Variants in GSK3B observed in about 807,000 individuals in gnomAD.
GSK3B encodes glycogen synthase kinase-3 beta.
A neutral mutation model predicts 56.4 loss-of-function variants in GSK3B; 15 were observed. The observed-to-expected ratio is 0.27, with a 90% CI of 0.18 to 0.41. The LOEUF (loss-of-function observed/expected upper bound fraction) is 0.41. Ranked by LOEUF, GSK3B falls within the 10% of genes least tolerant of loss-of-function variation. The pLI, the probability that GSK3B is intolerant of heterozygous loss-of-function variation, is 1.00. For missense variants in GSK3B, 300 were observed against 513.4 expected (o/e 0.58, Z 4.02); for synonymous variants, 181 against 188.9 (o/e 0.96, Z 0.34).
chr3:119,827,853 G>A (rs1013456024), intron 10 of GSK3B, among the ~76,000 whole-genome samples: 1 of 137,742 alleles, frequency 7.3e-6, no homozygotes, highest in African/African-American at 3.1e-5. Context: ...GGGGAAGTGG[G>A]GATGGTTAAT....
chr3:120,075,238 A>G (rs1435425073), intron 1 of GSK3B, among the ~76,000 whole-genome samples: 2 of 152,214 alleles, frequency 1.3e-5, no homozygotes, highest in African/African-American at 4.8e-5. Flanking sequence ...CCTCAGTATA[A>G]TAAGGCCATC....
intron 7 of GSK3B, among the ~76,000 whole-genome samples, chr3:119,904,929 C>T (rs2056667108): frequency 6.7e-6 from 1 of 149,050 alleles, no homozygotes; most frequent in South Asian, 2.1e-4. Flanking sequence ...TAGAATGAAA[C>T]AATCTAGTGA....
intron 1 of GSK3B, among the ~76,000 whole-genome samples, chr3:120,028,388 AAACT>A (rs930542893): frequency 7.9e-5 from 12 of 152,318 alleles, no homozygotes; most frequent in African/African-American, 2.9e-4. Context: ...TTTACCCAAC[AAACT>A]ATTTGAAACC....
intron 1 of GSK3B, among the ~76,000 whole-genome samples, chr3:120,092,058 T>G (rs1279980905): frequency 2.0e-5 from 3 of 152,150 alleles, no homozygotes; most frequent in African/African-American, 7.2e-5. Flanking sequence ...GGCAACAAAT[T>G]AATTTGTCTT....
rs192664022 is a variant in GSK3B at position 120,080,512 on chromosome 3, T to C, written c.88+12835A>G. 3.3e-5 allele frequency among the ~76,000 whole-genome samples: 5 copies of C among 152,178 alleles called. No homozygotes were observed. In the East Asian group the frequency reaches 9.6e-4, roughly 29 times the overall value. ...CATATCAAACAAACAAACATCATCTTAAAGACCCAAAAAGAGGTCTTGTAA... is the reference window on the plus strand; with the variant it reads ...CATATCAAACAAACAAACATCATCTCAAAGACCCAAAAAGAGGTCTTGTAA... On this transcript the variant is annotated intron_variant, in intron 1 of 10. Coordinates refer to ENST00000264235, the MANE Select transcript of GSK3B (RefSeq NM_001146156.2).
chr3:119,883,358 A>C (rs1223095656), intron 7 of GSK3B, among the ~76,000 whole-genome samples: 1 of 152,162 alleles, frequency 6.6e-6, no homozygotes, highest in Non-Finnish European at 1.5e-5. Context: ...TTCTAATGAT[A>C]AACCAATTAA....
intron 10 of GSK3B, among the ~76,000 whole-genome samples, chr3:119,839,339 G>C (rs2055738107): frequency 1.3e-5 from 2 of 152,160 alleles, no homozygotes; most frequent in Non-Finnish European, 2.9e-5. Context: ...TATGATAATG[G>C]TTGATGGCAT....
intron 3 of GSK3B, among the ~76,000 whole-genome samples, chr3:119,943,611 CGAA>C (rs1223211380): frequency 1.3e-5 from 2 of 151,894 alleles, no homozygotes; most frequent in East Asian, 1.9e-4. Flanking sequence ...AGAGAGACAA[CGAA>C]GAAGATTTAA....
chr3:120,068,295 G>A (rs568832541), intron 1 of GSK3B, among the ~76,000 whole-genome samples: 3 of 151,828 alleles, frequency 2.0e-5, no homozygotes, highest in South Asian at 4.2e-4. Context: ...GGAGGCTGAG[G>A]CAGGAGAATA....
intron 2 of GSK3B, among the ~76,000 whole-genome samples, chr3:119,997,895 G>C (rs6784239): frequency 0.11 from 17,036 of 152,016 alleles, 1,106 homozygotes; most frequent in African/African-American, 0.19. Context: ...CTACTACTTG[G>C]GGAAAGGTTA....
intron 1 of GSK3B, among the ~76,000 whole-genome samples, chr3:120,067,008 G>GA (rs36091575): frequency 6.6e-6 from 1 of 150,802 alleles, no homozygotes; most frequent in South Asian, 2.1e-4. Flanking sequence ...AGCTGATGAA[G>GA]AAAAAAAAAT....
At chr3:119,905,619 T>TAG in intron 7 of GSK3B, 136 bp downstream of exon 7, 1 of 650,942 alleles carries the variant, frequency 1.5e-6, no homozygotes, top group Non-Finnish European at 2.8e-6. Flanking sequence ...ACCCACTTTA[T>TAG]AGCTGAACTT....
At chr3:119,826,950 TG>T in intron 10 of GSK3B, 95 bp from the exon 11 acceptor site, 4 of 752,706 alleles carry the variant, frequency 5.3e-6, no homozygotes, top group Non-Finnish European at 9.3e-6. Flanking sequence ...GTGAACTGTA[TG>T]GCCTTCCAAG....
chr3:119,953,337 C>A (rs1046027642), intron 2 of GSK3B, among the ~76,000 whole-genome samples: 1 of 152,156 alleles, frequency 6.6e-6, no homozygotes, highest in African/African-American at 2.4e-5. Context: ...ACATGTAATT[C>A]CAGCTACATC....
At chr3:119,954,994 G>A (rs1418050141) in intron 2 of GSK3B, among the ~76,000 whole-genome samples, 11 of 152,040 alleles carry the variant, frequency 7.2e-5, no homozygotes, top group Non-Finnish European at 1.6e-4. Flanking sequence ...AGTTTGTTCT[G>A]TTGGGAGATC....
chr3:119,936,174 C>T (rs2056991511), intron 3 of GSK3B, among the ~76,000 whole-genome samples: 1 of 151,670 alleles, frequency 6.6e-6, no homozygotes, highest in Non-Finnish European at 1.5e-5. Flanking sequence ...GGAGCAAGAA[C>T]AAGAATGTCT....
chr3:120,029,431 T>C (rs1225407411), intron 1 of GSK3B: 4 of 727,380 alleles, frequency 5.5e-6, no homozygotes, highest in African/African-American at 1.7e-5. Flanking sequence ...TTTGTGGAGC[T>C]TCGCCTCCAG....
At chr3:120,057,594 AAGAT>A (rs1342100244) in intron 1 of GSK3B, among the ~76,000 whole-genome samples, 18 of 152,340 alleles carry the variant, frequency 1.2e-4, no homozygotes, top group Middle Eastern at 3.4e-3. Context: ...TTCCTGTGGA[AAGAT>A]AGATATATAT....
intron 9 of GSK3B, among the ~76,000 whole-genome samples, chr3:119,856,577 C>A (rs1466081376): frequency 6.6e-6 from 1 of 152,082 alleles, no homozygotes; most frequent in Admixed American, 6.6e-5. Context: ...GCTGTAGTTA[C>A]CTGAACTAAA....
Sources: gnomAD v4.1 joint callset for allele counts (sites outside exome capture counted in the v4.1 genomes callset) on GRCh38, gnomAD v4.1.1 for gene constraint, MANE v1.5 for transcripts, NCBI Gene and HGNC (gene_info 2026-07-23, HGNC 2026-07-21) for gene names.